Variants in DMXL2 observed in about 807,000 individuals in gnomAD.
DMXL2 encodes the protein dmX-like protein 2.
Under a neutral mutation model 331.1 loss-of-function variants are expected in DMXL2, and 103 were observed. The ratio of observed to expected loss-of-function variants is 0.31; its 90% CI spans 0.27 to 0.37. The LOEUF is 0.37. Ranked by LOEUF, DMXL2 falls within the 10% of genes least tolerant of loss-of-function variation. The pLI is 1.00. For synonymous variants in DMXL2, 1,281 were observed against 1,252.1 expected, an observed-to-expected ratio of 1.02 and a Z score of -0.49; for missense variants, 3,171 against 3,642.9, an observed-to-expected ratio of 0.87 and a Z score of 3.33.
chr15:51,460,439 A>C, intron 33 of DMXL2: 1 of 874,068 alleles, frequency 1.1e-6, no homozygotes, highest in Non-Finnish European at 1.4e-6. Context: ...CAGCTAACTC[A>C]GTGAAGGCCA....
At chr15:51,559,120 T>C (rs1054428959) in intron 6 of DMXL2, among the ~76,000 whole-genome samples, 16 of 152,164 alleles carry the variant, frequency 1.1e-4, no homozygotes, top group African/African-American at 3.6e-4. Flanking sequence ...ACTTATTAAA[T>C]AGGACTCAGA....
At chr15:51,506,648 T>TA (rs1183541229) in intron 16 of DMXL2, among the ~76,000 whole-genome samples, 1 of 151,886 alleles carries the variant, frequency 6.6e-6, no homozygotes, top group Non-Finnish European at 1.5e-5. Flanking sequence ...AGAGACAGGG[T>TA]TTCACCATGT....
Position 51,455,176 on chromosome 15 carries a change from G to C in DMXL2, c.8579C>G (p.Thr2860Ser). 6.2e-7 allele frequency: 1 copy of C among 1,614,092 alleles called. No homozygotes were observed. Among genetic ancestry groups the C allele is most frequent in the Non-Finnish European group, 8.5e-7 (1 of 1,179,958 alleles). ...GFLSIWQVNQ[T>S]ASNPKPYMSW... ...CATATAAGGTTTAGGATTTGATGCA[G>C]TTTGGTTAACTTGCCAGATACTCAG... is the stretch of plus-strand genomic sequence containing the variant. The change falls in exon 40 of 44, where the codon ACT becomes AGT. Residue 2860 changes from threonine (T) to serine (S), a missense_variant. Transcript: ENST00000560891.
intron 2 of DMXL2, among the ~76,000 whole-genome samples, chr15:51,573,396 T>C (rs893475692): frequency 1.3e-5 from 2 of 152,184 alleles, no homozygotes; most frequent in South Asian, 2.1e-4. Context: ...CACATGCACA[T>C]GTATGTTTAT....
At chr15:51,604,783 A>C (rs2053465827) in intron 1 of DMXL2, among the ~76,000 whole-genome samples, 1 of 152,224 alleles carries the variant, frequency 6.6e-6, no homozygotes, top group Non-Finnish European at 1.5e-5. Flanking sequence ...TAGAATAACT[A>C]AAACAATTGT....
chr15:51,542,097 A>T (rs1183958570), intron 9 of DMXL2, among the ~76,000 whole-genome samples: 3 of 152,202 alleles, frequency 2.0e-5, no homozygotes, highest in Admixed American at 2.0e-4. Context: ...AATGCTTGTT[A>T]TAGTCTAGAC....
At chr15:51,451,940 A>G (rs2039181503) in intron 41 of DMXL2, among the ~76,000 whole-genome samples, 1 of 152,166 alleles carries the variant, frequency 6.6e-6, no homozygotes, top group African/African-American at 2.4e-5. Flanking sequence ...TTGCCACTCC[A>G]GGAAACTGAT....
intron 1 of DMXL2, among the ~76,000 whole-genome samples, chr15:51,618,589 C>A (rs565128230): frequency 6.6e-6 from 1 of 151,942 alleles, no homozygotes. Flanking sequence ...ATACCAGGTA[C>A]GTTTTCCTGA....
chr15:51,459,791 G>A, intron 33 of DMXL2, 131 bp from the exon 34 acceptor site: 1 of 1,200,658 alleles, frequency 8.3e-7, no homozygotes, highest in Non-Finnish European at 1.1e-6. Context: ...GCAAAATCAA[G>A]AAAAAATTAA....
Position 51,565,113 on chromosome 15 carries a change from T to C in DMXL2, c.339A>G (p.Thr113=), listed in dbSNP as rs1247643107. Residue 113 remains threonine, a synonymous_variant, in exon 4 of 44, where the codon ACA becomes ACG. Transcript: ENST00000560891. ...CTTGAGGATCCCATGCTAAGTTGTA[T>C]GTCACAGAACTCAAAAAAAACTGCC... is the stretch of plus-strand genomic sequence containing the variant. The part of the protein sequence containing the change: ...KTGQFFLSSV[T]YNLAWDPQDN... The C allele has an allele frequency of 6.3e-7, 1 of 1,576,108 alleles. No individual in the cohort carries two copies. The highest frequency in any genetic ancestry group is 1.2e-5 in the South Asian group (1 of 82,744).
At position 51,471,292 on chromosome 15, in the gene DMXL2, T is replaced by C; in HGVS notation, c.7323A>G (p.Ala2441=). The C allele has an allele frequency of 6.2e-7, 1 of 1,614,154 alleles. No homozygotes were observed. The part of the protein sequence containing the change: ...VKDATPPPVP[A]ERPSYKEKFI... ...ATTTTTCTTTGTAAGATGGTCTTTC[T>C]GCAGGCACCGGTGGTGGGGTAGCAT... The change falls in exon 29 of 44, where the codon GCA becomes GCG. Residue 2441 remains alanine, a synonymous_variant. Coordinates refer to ENST00000560891, the MANE Select transcript of DMXL2 (RefSeq NM_001378457.1).
chr15:51,622,686 C>A lies in DMXL2; in HGVS notation c.-141G>T. On this transcript the variant is annotated 5_prime_UTR_variant, in exon 1 of 44. Transcript: ENST00000560891. ...GAGGCTCTGGCTTAACTCCTCGCCC[C>A]CCTTTCGCCTTCCCTCCGCCTCGTC... 7.1e-7 allele frequency: 1 copy of A among 1,411,108 alleles called. No homozygotes were observed. The highest frequency in any genetic ancestry group is 1.5e-5 in the South Asian group (1 of 66,478). The allele number at this position is 1,411,108 out of a possible 1,614,324, so 87.4% of individuals were successfully genotyped here. A position where few individuals can be genotyped will look rare whatever the true frequency, so the allele number is the denominator to read the frequency against.
chr15:51,546,889 A>G (rs966602540), intron 7 of DMXL2, among the ~76,000 whole-genome samples: 4 of 152,170 alleles, frequency 2.6e-5, no homozygotes, highest in Admixed American at 6.6e-5. Context: ...AGGATCTGCT[A>G]GTACCACAGC....
At chr15:51,538,594 G>T in intron 9 of DMXL2, 142 bp from the exon 10 acceptor site, 1 of 590,428 alleles carries the variant, frequency 1.7e-6, no homozygotes, top group Non-Finnish European at 2.8e-6. Flanking sequence ...AACTTTAACT[G>T]AATTTAATGG....
chr15:51,562,254 T>C (rs765313079), intron 6 of DMXL2, among the ~76,000 whole-genome samples: 5 of 152,186 alleles, frequency 3.3e-5, no homozygotes, highest in African/African-American at 7.2e-5. Context: ...AAAAAGTTTA[T>C]TGAGATATAA....
At chr15:51,608,230 C>T (rs553562083) in intron 1 of DMXL2, among the ~76,000 whole-genome samples, 1 of 152,072 alleles carries the variant, frequency 6.6e-6, no homozygotes, top group Admixed American at 6.5e-5. Context: ...TACAATTCAA[C>T]CCAGCAATCC....
At chr15:51,598,308 C>A (rs1301935603) in intron 1 of DMXL2, among the ~76,000 whole-genome samples, 1 of 152,174 alleles carries the variant, frequency 6.6e-6, no homozygotes, top group Non-Finnish European at 1.5e-5. Flanking sequence ...TCTCTGTATA[C>A]ATACATATAT....
intron 2 of DMXL2, among the ~76,000 whole-genome samples, chr15:51,568,941 G>A (rs150103522): frequency 6.6e-6 from 1 of 152,150 alleles, no homozygotes; most frequent in Admixed American, 6.5e-5. Context: ...TGGACAGTGG[G>A]TACAGCCCGC....
chr15:51,561,490 G>GGCAGGCCAGGCAT (rs2049968288), intron 6 of DMXL2, among the ~76,000 whole-genome samples: 1 of 151,544 alleles, frequency 6.6e-6, no homozygotes, highest in South Asian at 2.1e-4. Context: ...TGGTGGCAGA[G>GGCAGGCCAGGCAT]GCAGGCCAGG....
Sources: allele counts gnomAD v4.1 joint callset (sites outside exome capture counted in the v4.1 genomes callset), GRCh38; gene constraint gnomAD v4.1.1; transcripts MANE v1.5; gene names NCBI Gene and HGNC (gene_info 2026-07-23, HGNC 2026-07-21).